Variants in WASF3 observed in about 807,000 individuals in gnomAD.
WASF3 encodes actin-binding protein WASF3.
In WASF3, 11 loss-of-function variants were observed where a neutral mutation model predicts 46.6. The observed-to-expected ratio is 0.24, with a 90% CI of 0.15 to 0.39. The LOEUF (loss-of-function observed/expected upper bound fraction) is 0.39. Ranked by LOEUF, WASF3 falls within the 10% of genes least tolerant of loss-of-function variation. WASF3 has a pLI of 1.00. For synonymous variants in WASF3, 242 were observed against 259.7 expected (o/e 0.93, Z 0.65); for missense variants, 576 against 669.8 (o/e 0.86, Z 1.55).
In WASF3 at chr13:26,681,097, C is replaced by A. The variant is rs756288563; in HGVS notation, c.760C>A (p.Pro254Thr). The A allele has an allele frequency of 2.5e-6, 4 of 1,614,210 alleles. No homozygotes were observed. Among genetic ancestry groups the A allele is most frequent in the Non-Finnish European group, 3.4e-6 (4 of 1,180,034 alleles). The change falls in exon 8 of 10, where the codon CCC becomes ACC. Residue 254 changes from proline (P) to threonine (T), a missense_variant. Coordinates refer to ENST00000335327, the MANE Select transcript of WASF3 (RefSeq NM_006646.6). ...TACGGATTACTCTTACCCGGCTACTCCCAACCATTCTCTGCACCCCCAGCC... is the reference window on the plus strand; with the variant it reads ...TACGGATTACTCTTACCCGGCTACTACCAACCATTCTCTGCACCCCCAGCC... ...DVTDYSYPAT[P>T]NHSLHPQPVT... is the part of the protein sequence containing the mutation.
chr13:26,686,529 T>C lies in WASF3; in HGVS notation c.*684T>C, dbSNP rs971847302. 2.0e-5 allele frequency: 3 copies of C among 152,272 alleles called. No individual in the cohort carries two copies. Among genetic ancestry groups the C allele is most frequent in the Non-Finnish European group, 4.4e-5 (3 of 68,070 alleles). The allele number at this position is 152,272 out of a possible 1,614,324, so 9.4% of individuals were successfully genotyped here. A position where few individuals can be genotyped will look rare whatever the true frequency, so the allele number is the denominator to read the frequency against. ...CTTAGTAAATGCCTGTTGATGGTTT[T>C]TGCAAGAGAATTCAGCAGCTCAACA... On this transcript the variant is annotated 3_prime_UTR_variant, in exon 10 of 10. Transcript: ENST00000335327.
intron 3 of WASF3, among the ~76,000 whole-genome samples, chr13:26,654,442 T>C (rs1364623093): frequency 1.3e-5 from 2 of 152,324 alleles, no homozygotes; most frequent in Non-Finnish European, 1.5e-5. Flanking sequence ...ATAGCACTTA[T>C]TTTCACCAGA....
At chr13:26,583,303 G>A (rs756663473) in intron 1 of WASF3, among the ~76,000 whole-genome samples, 40 of 152,178 alleles carry the variant, frequency 2.6e-4, no homozygotes, top group Non-Finnish European at 4.7e-4. Context: ...ATTATTTTCC[G>A]TAATGGTTAA....
chr13:26,557,376 C>T (rs2137129665), upstream of WASF3, among the ~76,000 whole-genome samples: 1 of 152,300 alleles, frequency 6.6e-6, no homozygotes, highest in East Asian at 1.9e-4. Context: ...TAATGGGCAC[C>T]TAGCAATCAG....
chr13:26,556,889 T>C (rs1313593653), upstream of WASF3, among the ~76,000 whole-genome samples: 1 of 152,336 alleles, frequency 6.6e-6, no homozygotes, highest in East Asian at 1.9e-4. Flanking sequence ...AAGGTAACAT[T>C]TCTATTAGAT....
chr13:26,568,869 A>G (rs1456997282), intron 1 of WASF3, among the ~76,000 whole-genome samples: 1 of 152,242 alleles, frequency 6.6e-6, no homozygotes, highest in Non-Finnish European at 1.5e-5. Flanking sequence ...TATGCCTGGC[A>G]GTATGAATTA....
At chr13:26,603,878 G>T (rs1009960752) in intron 1 of WASF3, among the ~76,000 whole-genome samples, 1 of 152,188 alleles carries the variant, frequency 6.6e-6, no homozygotes, top group African/African-American at 2.4e-5. Context: ...GTAGTTTAAT[G>T]TATAGAGTTG....
chr13:26,556,477 A>G (rs1879100421), upstream of WASF3, among the ~76,000 whole-genome samples: 1 of 152,196 alleles, frequency 6.6e-6, no homozygotes, highest in South Asian at 2.1e-4. Flanking sequence ...ATTCACCAAA[A>G]TCCTGTTTAC....
At position 26,675,650 on chromosome 13, in the gene WASF3, CTGTGTGTGTG is replaced by C. The variant is rs35156420; in HGVS notation, c.541-885_541-876del. The stretch of plus-strand genomic sequence containing the variant: ...GGCTCCATGAGCACAGATGCCATGT[CTGTGTGTGTG>C]TGTGTGTGTGTGTTTGCCATTTGTG... On this transcript the variant is annotated intron_variant, in intron 6 of 9. Coordinates refer to ENST00000335327, the MANE Select transcript of WASF3 (RefSeq NM_006646.6). 1.1e-3 allele frequency among the ~76,000 whole-genome samples: 168 copies of C among 147,076 alleles called. 1 individual carries two copies. Among genetic ancestry groups the C allele is most frequent in the Non-Finnish European group, 2.0e-3 (135 of 66,928 alleles).
the WASF3 span, among the ~76,000 whole-genome samples, chr13:26,549,138 C>T: frequency 2.6e-5 from 4 of 151,928 alleles, no homozygotes; most frequent in Admixed American, 6.6e-5. Context: ...CGCACCACCA[C>T]GCCCAGCTAA....
At chr13:26,659,597 G>A (rs1421853062) in intron 3 of WASF3, among the ~76,000 whole-genome samples, 1 of 152,184 alleles carries the variant, frequency 6.6e-6, no homozygotes, top group Non-Finnish European at 1.5e-5. Context: ...GTTGCTGGAA[G>A]ACCAATCCCT....
chr13:26,664,991 C>G (rs757989251), intron 3 of WASF3, 37 bp from the exon 4 acceptor site: 2 of 1,611,740 alleles, frequency 1.2e-6, no homozygotes, highest in South Asian at 2.2e-5. Flanking sequence ...CATCAGCTCC[C>G]TAACAGATGG....
chr13:26,677,453 A>T (rs1049230614), intron 7 of WASF3, among the ~76,000 whole-genome samples: 1 of 152,242 alleles, frequency 6.6e-6, no homozygotes, highest in Non-Finnish European at 1.5e-5. Context: ...GCATTTAAAA[A>T]TTTGAATAGA....
In WASF3 at chr13:26,682,657, C is replaced by G; in HGVS notation, c.1034C>G (p.Pro345Arg). The G allele has an allele frequency of 6.2e-7, 1 of 1,614,166 alleles. No homozygotes were observed. Among genetic ancestry groups the G allele is most frequent in the Non-Finnish European group, 8.5e-7 (1 of 1,180,018 alleles). The change falls in exon 9 of 10, where the codon CCT (proline) becomes CGT (arginine). Residue 345 changes from proline to arginine, a missense_variant. By Grantham distance (103) the Pro-to-Arg change is moderately radical. Transcript: ENST00000335327. This position sits in a 1 kb window ranked among gnomAD's most constrained non-coding sequence, Gnocchi z 4.4. Reference protein sequence around the residue: ...IEYYNPSGPPPPPPPPVIPSA... With the variant: ...IEYYNPSGPPRPPPPPVIPSA... ...TATTACAACCCATCCGGACCACCTC[C>G]TCCGCCACCTCCTCCTGTGATTCCC... is the stretch of plus-strand genomic sequence containing the variant.
At chr13:26,598,264 C>G (rs2137196653) in intron 1 of WASF3, among the ~76,000 whole-genome samples, 1 of 152,282 alleles carries the variant, frequency 6.6e-6, no homozygotes, top group South Asian at 2.1e-4. Context: ...TAAATGTCTT[C>G]TTTTGAGAAG....
At position 26,603,079 on chromosome 13, in the gene WASF3, C is replaced by T. The variant is rs77261558; in HGVS notation, c.-108-9882C>T. Reference sequence around the variant, plus strand: ...AGGGCCCATGGGGAGGTAAGAGTAACTGCTGTTGGTACCTCTGTTAAATTT... The same window carrying T: ...AGGGCCCATGGGGAGGTAAGAGTAATTGCTGTTGGTACCTCTGTTAAATTT... On this transcript the variant is annotated intron_variant, in intron 1 of 9. Transcript: ENST00000335327. Among the ~76,000 whole-genome samples, 824 of 152,260 alleles carry T rather than the reference C, an allele frequency of 5.4e-3. 12 individuals carry two copies. The highest frequency in any genetic ancestry group is 0.019 in the African/African-American group (787 of 41,538).
At chr13:26,547,169 T>G in the WASF3 span, among the ~76,000 whole-genome samples, 1 of 152,180 alleles carries the variant, frequency 6.6e-6, no homozygotes, top group Non-Finnish European at 1.5e-5. Flanking sequence ...TTAACTATTA[T>G]TCATAATTTC....
chr13:26,631,459 T>C (rs1044145105), intron 2 of WASF3, among the ~76,000 whole-genome samples: 2 of 152,184 alleles, frequency 1.3e-5, no homozygotes, highest in Non-Finnish European at 2.9e-5. Flanking sequence ...TTTTGTCAGG[T>C]TTGTCAAAGA....
the WASF3 span, among the ~76,000 whole-genome samples, chr13:26,545,221 G>C: frequency 6.6e-6 from 1 of 152,178 alleles, no homozygotes; most frequent in Non-Finnish European, 1.5e-5. Context: ...CACTGTAGTA[G>C]CAAAATTGGA....
Sources: allele counts gnomAD v4.1 joint callset (sites outside exome capture counted in the v4.1 genomes callset), GRCh38; gene constraint gnomAD v4.1.1; non-coding constraint Gnocchi (gnomAD v3.1); transcripts MANE v1.5; gene names NCBI Gene and HGNC (gene_info 2026-07-23, HGNC 2026-07-21).